The following CARMIL1 variants were observed in gnomAD, a reference collection of about 807,000 sequenced individuals.
CARMIL1 encodes the protein F-actin-uncapping protein LRRC16A.
A neutral mutation model predicts 177.1 loss-of-function variants in CARMIL1; 90 were observed. That is an observed-to-expected ratio of 0.51 (90% CI 0.43 to 0.61). The LOEUF (loss-of-function observed/expected upper bound fraction) is 0.61, where lower values mean the gene tolerates loss of function less well. CARMIL1 is among the 20% of genes least tolerant of loss of function. The pLI is 0.00. For synonymous variants in CARMIL1, 577 were observed against 606.2 expected (o/e 0.95, Z 0.71); for missense variants, 1,380 against 1,667.0 (o/e 0.83, Z 3.00).
chr6:25,586,476 C>T (rs1379562355), intron 31 of CARMIL1, among the ~76,000 whole-genome samples: 1,711 of 141,032 alleles, frequency 0.012, 54 homozygotes, highest in African/African-American at 0.041. Context: ...CCAGACTGGG[C>T]GGGTGGGCAG....
At chr6:25,579,585 T>C (rs1812938680) in intron 29 of CARMIL1, among the ~76,000 whole-genome samples, 1 of 152,328 alleles carries the variant, frequency 6.6e-6, no homozygotes, top group East Asian at 1.9e-4. Flanking sequence ...TCCATTTGCA[T>C]TGAGTTAGCT....
chr6:25,533,532 T>C (rs1479182976), intron 24 of CARMIL1, among the ~76,000 whole-genome samples: 1 of 152,204 alleles, frequency 6.6e-6, no homozygotes, highest in Non-Finnish European at 1.5e-5. Flanking sequence ...ATGGGTTTTT[T>C]TTGGCTGTTA....
chr6:25,325,554 C>T (rs1204963196), intron 2 of CARMIL1, among the ~76,000 whole-genome samples: 1 of 152,058 alleles, frequency 6.6e-6, no homozygotes. Flanking sequence ...GGGAATTATT[C>T]GAACAATCTT....
chr6:25,323,923 A>T (rs1336741525), intron 2 of CARMIL1, among the ~76,000 whole-genome samples: 1 of 152,240 alleles, frequency 6.6e-6, no homozygotes, highest in Admixed American at 6.5e-5. Flanking sequence ...TTGATTTTCT[A>T]GCTCATAAAA....
At chr6:25,479,358 T>C (rs1346070571) in intron 11 of CARMIL1, 1 of 379,260 alleles carries the variant, frequency 2.6e-6, no homozygotes, top group East Asian at 6.2e-5. Context: ...TAGAGAACTA[T>C]TGAGATTATT....
At chr6:25,392,734 G>T (rs898311125) in intron 2 of CARMIL1, among the ~76,000 whole-genome samples, 4 of 152,228 alleles carry the variant, frequency 2.6e-5, no homozygotes, top group African/African-American at 9.6e-5. Flanking sequence ...GAAATATATT[G>T]ATTTAGTTTT....
At chr6:25,439,829 G>A (rs1221158447) in intron 5 of CARMIL1, among the ~76,000 whole-genome samples, 1 of 152,280 alleles carries the variant, frequency 6.6e-6, no homozygotes, top group East Asian at 1.9e-4. Flanking sequence ...GGGGATTTCT[G>A]TTTGTGTTTA....
intron 35 of CARMIL1, among the ~76,000 whole-genome samples, chr6:25,608,768 G>A (rs553537640): frequency 2.6e-5 from 4 of 152,308 alleles, no homozygotes; most frequent in South Asian, 4.1e-4. Flanking sequence ...GGTTAAGCAA[G>A]TAGGCGACTG....
rs1032151148 is a variant in CARMIL1 at position 25,279,748 on chromosome 6, A to G, written c.-48A>G. ...GGAGTTCGGGGAAGGGCAGGGGGCC[A>G]TAAATCAGAGTTGGACCTGCAATAA... On this transcript the variant is annotated 5_prime_UTR_variant, in exon 1 of 37. Transcript: ENST00000329474. The G allele has an allele frequency of 4.4e-6, 7 of 1,597,486 alleles. No homozygotes were observed. Among genetic ancestry groups the G allele is most frequent in the East Asian group, 4.5e-5 (2 of 44,784 alleles).
At chr6:25,472,617 T>G in intron 11 of CARMIL1, 96 bp downstream of exon 11, 2 of 1,003,190 alleles carry the variant, frequency 2.0e-6, no homozygotes, top group Non-Finnish European at 3.0e-6. Context: ...CAAGCTAAGT[T>G]GTAATTATAA....
chr6:25,529,628 A>G (rs2151100434), intron 24 of CARMIL1, among the ~76,000 whole-genome samples: 1 of 152,226 alleles, frequency 6.6e-6, no homozygotes, highest in East Asian at 1.9e-4. Context: ...GCAGAGAATG[A>G]TACATCCATA....
chr6:25,296,989 C>T (rs1441317053), intron 2 of CARMIL1, among the ~76,000 whole-genome samples: 2 of 151,940 alleles, frequency 1.3e-5, no homozygotes. Flanking sequence ...CGTGGCATCT[C>T]GCTTTGTTGC....
intron 2 of CARMIL1, among the ~76,000 whole-genome samples, chr6:25,408,598 C>T (rs1171958883): frequency 6.6e-6 from 1 of 152,138 alleles, no homozygotes; most frequent in African/African-American, 2.4e-5. Context: ...GTAAGGCACA[C>T]AGAGGTCTTT....
chr6:25,619,038 G>C (rs1759521446), intron 36 of CARMIL1, among the ~76,000 whole-genome samples: 1 of 152,170 alleles, frequency 6.6e-6, no homozygotes, highest in Non-Finnish European at 1.5e-5. Context: ...TCTCCTCAAA[G>C]CTCTGTCTGC....
rs538198696 is a variant in CARMIL1, at chr6:25,488,773, A to T, written c.1065+188A>T. 7.9e-5 allele frequency among the ~76,000 whole-genome samples: 12 copies of T among 152,304 alleles called. No homozygotes were observed. The East Asian group carries it at 2.1e-3, about 27-fold the overall frequency. On this transcript the variant is annotated intron_variant, in intron 13 of 36. Transcript: ENST00000329474. ...AGAGCATTCGTTAATTAAATGTCAT[A>T]TATCACCACAATTATTTTTTTTTCT... is the stretch of plus-strand genomic sequence containing the variant.
chr6:25,497,614 C>T (rs1803867681), intron 16 of CARMIL1, among the ~76,000 whole-genome samples: 1 of 152,164 alleles, frequency 6.6e-6, no homozygotes, highest in Non-Finnish European at 1.5e-5. Context: ...TCTCAGCCAG[C>T]TGTCATGGGC....
chr6:25,496,478 A>G (rs966980416), intron 16 of CARMIL1, among the ~76,000 whole-genome samples: 28 of 151,890 alleles, frequency 1.8e-4, no homozygotes, highest in Admixed American at 1.8e-3. Context: ...ATCTCAAAAA[A>G]AAAAAAAAAA....
intron 2 of CARMIL1, among the ~76,000 whole-genome samples, chr6:25,411,678 T>C (rs1359523822): frequency 6.6e-6 from 1 of 152,188 alleles, no homozygotes; most frequent in African/African-American, 2.4e-5. Context: ...CATTTCTACA[T>C]AATGTGAAAA....
chr6:25,509,887 T>C lies in CARMIL1; in HGVS notation c.1477+150T>C, dbSNP rs904459996. ...CTAATAGGGCTTTTAAATTTAACAA[T>C]GGGGTATATTTGTAGAATAGATCTG... On this transcript the variant is annotated intron_variant, in intron 18 of 36. Transcript: ENST00000329474. The surrounding 1 kb of genome is among the most constrained non-coding windows in gnomAD (Gnocchi z 4.1). 6.7e-6 allele frequency: 4 copies of C among 597,680 alleles called. No homozygotes were observed. Among genetic ancestry groups the C allele is most frequent in the Non-Finnish European group, 1.2e-5 (4 of 342,210 alleles). The allele number at this position is 597,680 out of a possible 1,614,324, so 37.0% of individuals were successfully genotyped here. A position where few individuals can be genotyped will look rare whatever the true frequency, so the allele number is the denominator to read the frequency against.
Sources: gnomAD v4.1 joint callset for allele counts (sites outside exome capture counted in the v4.1 genomes callset) on GRCh38, gnomAD v4.1.1 for gene constraint, Gnocchi (gnomAD v3.1) non-coding constraint, MANE v1.5 for transcripts, NCBI Gene and HGNC (gene_info 2026-07-23, HGNC 2026-07-21) for gene names.